BNIP2: variants seen among roughly 807,000 people sequenced by gnomAD.
BNIP2 encodes the protein BCL2 interacting protein 2.
A neutral mutation model predicts 43.4 loss-of-function variants in BNIP2; 36 were observed. The ratio of observed to expected loss-of-function variants is 0.83; its 90% confidence interval spans 0.64 to 1.10. BNIP2 has a LOEUF of 1.10. BNIP2 is among the 50% of genes least tolerant of loss of function. The pLI, the probability that BNIP2 is intolerant of heterozygous loss-of-function variation, is 0.00. For synonymous variants in BNIP2, 146 were observed against 121.0 expected (o/e 1.21, Z -1.35); for missense variants, 417 against 374.1 (o/e 1.11, Z -0.95).
rs1892168806 is a variant in BNIP2 at position 59,660,008 on chromosome 15, A to T, written c.*4061T>A. 6.6e-6 allele frequency: 1 copy of T among 152,210 alleles called. No individual in the cohort carries two copies. Among genetic ancestry groups the T allele is most frequent in the African/African-American group, 2.4e-5 (1 of 41,452 alleles). The allele number at this position is 152,210 out of a possible 1,614,324, so 9.4% of individuals were successfully genotyped here. ...TCACCATTGATCTGATTCTAAGTTC[A>T]TTCAGAATTTCAAGAAGGGCAGAGG... On this transcript the variant is annotated 3_prime_UTR_variant, in exon 10 of 10. Transcript: ENST00000607373.
intron 1 of BNIP2, 198 bp downstream of exon 1, chr15:59,688,937 A>G (rs1435429868): frequency 1.4e-6 from 2 of 1,451,716 alleles, no homozygotes; most frequent in South Asian, 1.4e-5. Context: ...GACCCAAGCC[A>G]AGGGCGGGGA....
intron 4 of BNIP2, 122 bp from the exon 5 acceptor site, chr15:59,678,209 A>C: frequency 7.2e-7 from 1 of 1,394,648 alleles, no homozygotes; most frequent in Non-Finnish European, 9.3e-7. Context: ...CACAATTTTC[A>C]ATCTCTCTTC....
intron 1 of BNIP2, among the ~76,000 whole-genome samples, chr15:59,686,765 C>T (rs760918672): frequency 1.3e-5 from 2 of 152,088 alleles, no homozygotes; most frequent in Non-Finnish European, 2.9e-5. Context: ...ACCTGTAATC[C>T]CAACACTTTG....
intron 1 of BNIP2, among the ~76,000 whole-genome samples, chr15:59,687,691 A>G (rs891599125): frequency 1.1e-4 from 17 of 152,086 alleles, no homozygotes; most frequent in Admixed American, 2.0e-4. Flanking sequence ...CTGGTTACAT[A>G]TACTTTCTCT....
At chr15:59,677,387 T>C (rs1458871819) in intron 5 of BNIP2, 1 of 1,524,972 alleles carries the variant, frequency 6.6e-7, no homozygotes, top group Non-Finnish European at 8.8e-7. Flanking sequence ...TAAGGGTTGG[T>C]TTTCCGTACT....
In BNIP2 at chr15:59,660,641, C is replaced by T. The variant is rs994965835; in HGVS notation, c.*3428G>A. 1 of 152,156 alleles carries T rather than the reference C, an allele frequency of 6.6e-6. No homozygotes were observed. The highest frequency in any genetic ancestry group is 1.5e-5 in the Non-Finnish European group (1 of 68,030). 9.4% of individuals were successfully genotyped at this position (152,156 alleles called of 1,614,324 possible). A position where few individuals can be genotyped will look rare whatever the true frequency, so the allele number is the denominator to read the frequency against. On this transcript the variant is annotated 3_prime_UTR_variant, in exon 10 of 10. Coordinates refer to ENST00000607373, the MANE Select transcript of BNIP2 (RefSeq NM_004330.4). ...CCTCTATCAAAAAGCAGATCTCTTA[C>T]CTTTTTAAATTCTGGAATTACGGTT...
intron 5 of BNIP2, 94 bp from the exon 6 acceptor site, chr15:59,672,833 G>T: frequency 2.4e-6 from 2 of 846,002 alleles, no homozygotes; most frequent in Non-Finnish European, 3.7e-6. Context: ...ATAAATAAGA[G>T]TTTACTTTTC....
Position 59,674,090 on chromosome 15 carries a change from C to CAAAAAAAAAAAA in BNIP2, c.473-1352_473-1351insTTTTTTTTTTTT, listed in dbSNP as rs754263928. On this transcript the variant is annotated intron_variant, in intron 5 of 9. Coordinates refer to ENST00000607373, the MANE Select transcript of BNIP2 (RefSeq NM_004330.4). The stretch of plus-strand genomic sequence containing the variant: ...GGGCAACAGAGCAAGACTTGGGTCT[C>CAAAAAAAAAAAA]AAAAAAAAAACAAAAACAAAAACAA... Among the ~76,000 whole-genome samples the CAAAAAAAAAAAA allele has an allele frequency of 1.1e-4, 10 of 91,436 alleles. 1 individual carries two copies. The highest frequency in any genetic ancestry group is 6.8e-4 in the South Asian group (2 of 2,946). 60.0% of individuals were successfully genotyped at this position (91,436 alleles called of 152,430 possible). A position where few individuals can be genotyped will look rare whatever the true frequency, so the allele number is the denominator to read the frequency against.
At chr15:59,668,827 GTAT>G in intron 9 of BNIP2, 62 bp downstream of exon 9, 1 of 1,331,358 alleles carries the variant, frequency 7.5e-7, no homozygotes. Flanking sequence ...GTATTGAAAA[GTAT>G]TATCCATTGC....
At chr15:59,684,406 C>T (rs559350568) in intron 1 of BNIP2, among the ~76,000 whole-genome samples, 2 of 152,298 alleles carry the variant, frequency 1.3e-5, no homozygotes, top group South Asian at 4.1e-4. Flanking sequence ...ACTTATTTAG[C>T]ACTTTCTCTG....
At chr15:59,679,436 T>C (rs1552032) in intron 4 of BNIP2, 156 bp downstream of exon 4, 189,572 of 819,328 alleles carry the variant, frequency 0.23, 23,536 homozygotes, top group Admixed American at 0.31. Context: ...ACTGGTGTAC[T>C]CTATACACAC....
At chr15:59,682,586 T>C in intron 1 of BNIP2, 72 bp from the exon 2 acceptor site, 2 of 1,155,184 alleles carry the variant, frequency 1.7e-6, no homozygotes, top group Non-Finnish European at 1.2e-6. Context: ...GTAATAATCT[T>C]ATATATTAGT....
intron 9 of BNIP2, 178 bp downstream of exon 9, chr15:59,668,714 G>T: frequency 1.9e-6 from 1 of 534,720 alleles, no homozygotes; most frequent in Non-Finnish European, 3.3e-6. Flanking sequence ...TGCTAACTTA[G>T]GGGGATGGTG....
chr15:59,676,833 G>C, intron 5 of BNIP2: 1 of 1,554,632 alleles, frequency 6.4e-7, no homozygotes, highest in East Asian at 2.4e-5. Flanking sequence ...TTCCCTTCCT[G>C]CCGGGAATTC....
chr15:59,663,325 C>G lies in BNIP2; in HGVS notation c.*744G>C, dbSNP rs1057062. ...AAAATGTCCCATATATACATATATA[C>G]AAACCCTAATTCCTACCCTCTTAAA... On this transcript the variant is annotated 3_prime_UTR_variant, in exon 10 of 10. Coordinates refer to ENST00000607373, the MANE Select transcript of BNIP2 (RefSeq NM_004330.4). The G allele has an allele frequency of 0.026, 4,022 of 152,336 alleles. 73 individuals carry two copies. Among genetic ancestry groups the G allele is most frequent in the Non-Finnish European group, 0.041 (2,779 of 68,006 alleles). The allele number at this position is 152,336 out of a possible 1,614,324, so 9.4% of individuals were successfully genotyped here.
At chr15:59,675,030 C>T (rs1022518096) in intron 5 of BNIP2, among the ~76,000 whole-genome samples, 1 of 151,614 alleles carries the variant, frequency 6.6e-6, no homozygotes, top group Non-Finnish European at 1.5e-5. Flanking sequence ...GCGGGCAGAT[C>T]ACAAGGTCAG....
intron 9 of BNIP2, chr15:59,668,129 T>G: frequency 7.7e-7 from 1 of 1,294,898 alleles, no homozygotes; most frequent in Non-Finnish European, 1.0e-6. Context: ...TAAACTTTTC[T>G]TCTTCATACC....
chr15:59,674,108 A>AAC (rs1291184690), intron 5 of BNIP2, among the ~76,000 whole-genome samples: 2 of 146,774 alleles, frequency 1.4e-5, no homozygotes, highest in African/African-American at 2.7e-5. Flanking sequence ...AAACAAAAAC[A>AAC]AAAACAAAAA....
At chr15:59,689,043 C>T (rs2306358) in intron 1 of BNIP2, 92 bp downstream of exon 1, 610,702 of 1,457,102 alleles carry the variant, frequency 0.42, 129,594 homozygotes, top group East Asian at 0.56. Flanking sequence ...CCCCGGACGT[C>T]GTGGGCACGC....
Sources: allele counts gnomAD v4.1 joint callset (sites outside exome capture counted in the v4.1 genomes callset), GRCh38; gene constraint gnomAD v4.1.1; transcripts MANE v1.5; gene names NCBI Gene and HGNC (gene_info 2026-07-23, HGNC 2026-07-21).